ANXA11: variants seen among roughly 807,000 people sequenced by gnomAD.
ANXA11 encodes the protein annexin A11.
A neutral mutation model predicts 64.7 loss-of-function variants in ANXA11; 57 were observed. That is an observed-to-expected ratio of 0.88 (90% CI 0.71 to 1.10). The LOEUF (loss-of-function observed/expected upper bound fraction) is 1.10. ANXA11 is among the 50% of genes least tolerant of loss of function. The pLI is 0.00. For missense variants in ANXA11, 675 were observed against 670.7 expected (o/e 1.01, Z -0.07); for synonymous variants, 260 against 265.2 (o/e 0.98, Z 0.19).
At chr10:80,161,322 C>T (rs35497678) in intron 12 of ANXA11, among the ~76,000 whole-genome samples, 19,519 of 152,250 alleles carry the variant, frequency 0.13, 1,388 homozygotes, top group South Asian at 0.24. Context: ...TCAAATGTCA[C>T]GACCTCAGTG....
chr10:80,201,697 C>T (rs974935644), intron 1 of ANXA11, among the ~76,000 whole-genome samples: 1 of 152,172 alleles, frequency 6.6e-6, no homozygotes, highest in Non-Finnish European at 1.5e-5. Context: ...TTGTCACCTA[C>T]TTCCTAAAAA....
chr10:80,179,680 T>C (rs1165881199), intron 1 of ANXA11, among the ~76,000 whole-genome samples: 2 of 152,216 alleles, frequency 1.3e-5, no homozygotes, highest in African/African-American at 4.8e-5. Flanking sequence ...TCAGAACCCC[T>C]AAGCCATTCC....
At chr10:80,180,916 A>G (rs186121963) in intron 1 of ANXA11, 1 of 152,330 alleles carries the variant, frequency 6.6e-6, no homozygotes, top group East Asian at 1.9e-4. Context: ...TGTTTGTTAC[A>G]AAAGTATAAC....
At chr10:80,185,592 T>C (rs1846509739) in intron 1 of ANXA11, among the ~76,000 whole-genome samples, 1 of 152,272 alleles carries the variant, frequency 6.6e-6, no homozygotes, top group Non-Finnish European at 1.5e-5. Flanking sequence ...AATTAGGCCA[T>C]AATAGTAGTT....
chr10:80,201,787 C>T (rs1474050817), intron 1 of ANXA11, among the ~76,000 whole-genome samples: 1 of 152,150 alleles, frequency 6.6e-6, no homozygotes, highest in South Asian at 2.1e-4. Flanking sequence ...CGCACCCTTT[C>T]CCCCAGTGGT....
chr10:80,168,640 C>A (rs1366788865), intron 5 of ANXA11, among the ~76,000 whole-genome samples: 1 of 151,948 alleles, frequency 6.6e-6, no homozygotes, highest in African/African-American at 2.4e-5. Flanking sequence ...CTGAGGTGAT[C>A]CTCCCACCTC....
chr10:80,194,986 A>G (rs1846925600), intron 1 of ANXA11, among the ~76,000 whole-genome samples: 1 of 152,134 alleles, frequency 6.6e-6, no homozygotes, highest in African/African-American at 2.4e-5. Flanking sequence ...GTGTGTTATG[A>G]GCCATCTCAT....
chr10:80,159,026 G>A (rs1845397775), intron 13 of ANXA11, 74 bp downstream of exon 13: 1 of 1,122,454 alleles, frequency 8.9e-7, no homozygotes, highest in South Asian at 1.3e-5. Context: ...TCAGCTGGAG[G>A]ACAGGCGAGC....
In ANXA11 at chr10:80,161,958, C is replaced by T. The variant is rs376869591; in HGVS notation, c.1157G>A (p.Arg386Gln). The change falls in exon 12 of 16, where the codon CGG becomes CAG. Residue 386 changes from arginine (R) to glutamine (Q), a missense_variant. Transcript: ENST00000422982. ...ESKFNAVLCS[R>Q]SRAHLVAVFN... ...ACCTGCTACCAGGTGGGCCCGGCTC[C>T]GGGAGCACAGAACCGCATTGAACTT... The T allele has an allele frequency of 1.2e-5, 20 of 1,612,090 alleles. 1 individual carries two copies. Among genetic ancestry groups the T allele is most frequent in the Middle Eastern group, 1.7e-4 (1 of 6,048 alleles).
chr10:80,187,659 CTCTG>C (rs71482766), intron 1 of ANXA11, among the ~76,000 whole-genome samples: 17,211 of 152,182 alleles, frequency 0.11, 1,190 homozygotes, highest in South Asian at 0.24. Context: ...AGACACAGGT[CTCTG>C]TCTTTGTTTA....
In ANXA11 at chr10:80,199,173, C is replaced by T. The variant is rs549278034; in HGVS notation, c.-58+6170G>A. On this transcript the variant is annotated intron_variant, in intron 1 of 15. Coordinates refer to ENST00000422982, the MANE Select transcript of ANXA11 (RefSeq NM_145868.2). ...GTGCAGTGGCACGATCTCGGCTCCA[C>T]TGCAAGCTCCGCCTCCCGGGTTCAT... 5.3e-5 allele frequency among the ~76,000 whole-genome samples: 8 copies of T among 151,264 alleles called. No individual in the cohort carries two copies. The South Asian group carries it at 1.5e-3, about 28-fold the overall frequency.
chr10:80,156,970 G>A (rs1018193274), intron 15 of ANXA11: 29 of 985,228 alleles, frequency 2.9e-5, no homozygotes, highest in African/African-American at 2.8e-4. Context: ...GAATTTGAGC[G>A]TTAGACCACA....
intron 5 of ANXA11, among the ~76,000 whole-genome samples, 162 bp downstream of exon 5, chr10:80,168,807 G>A (rs1413993262): frequency 6.6e-6 from 1 of 152,182 alleles, no homozygotes; most frequent in Non-Finnish European, 1.5e-5. Context: ...AAAGTGCTGG[G>A]ATTACAGGCA....
intron 3 of ANXA11, chr10:80,171,651 T>A: frequency 3.0e-6 from 3 of 985,558 alleles, no homozygotes; most frequent in Non-Finnish European, 3.6e-6. Context: ...GCATTCGACA[T>A]CATCATGGGG....
At chr10:80,185,861 T>G (rs925143371) in intron 1 of ANXA11, among the ~76,000 whole-genome samples, 8 of 152,226 alleles carry the variant, frequency 5.3e-5, no homozygotes, top group African/African-American at 1.9e-4. Flanking sequence ...GGGACTAGTA[T>G]TTTAAGAACA....
Position 80,169,285 on chromosome 10 carries a change from T to C in ANXA11, c.245A>G (p.Tyr82Cys), listed in dbSNP as rs1251476379. The part of the protein sequence containing the change: ...NLYPGAPGAG[Y>C]PPVPPGGFGQ... ...AAAGCCGCCAGGGGGCACTGGTGGG[T>C]AGCCAGCCCCAGGGGCCCCAGGGTA... Residue 82 changes from tyrosine to cysteine, a missense_variant, in exon 5 of 16, where the codon TAC (tyrosine) becomes TGC (cysteine). By Grantham distance (194) the Tyr-to-Cys change is radical. Coordinates refer to ENST00000422982, the MANE Select transcript of ANXA11 (RefSeq NM_145868.2). The C allele has an allele frequency of 6.2e-7, 1 of 1,611,574 alleles. No homozygotes were observed. Among genetic ancestry groups the C allele is most frequent in the Non-Finnish European group, 8.5e-7 (1 of 1,179,718 alleles).
intron 6 of ANXA11, 47 bp from the exon 7 acceptor site, chr10:80,167,031 G>T: frequency 6.9e-7 from 1 of 1,455,126 alleles, no homozygotes; most frequent in Non-Finnish European, 9.4e-7. Flanking sequence ...GTCATGAGAT[G>T]CTCTGCAGCT....
intron 1 of ANXA11, among the ~76,000 whole-genome samples, chr10:80,191,150 G>A (rs1370976276): frequency 3.9e-5 from 6 of 152,074 alleles, no homozygotes; most frequent in South Asian, 2.1e-4. Context: ...ACTTGAACCC[G>A]GGAGGTGGAG....
intron 2 of ANXA11, among the ~76,000 whole-genome samples, chr10:80,174,381 A>AT (rs1281544834): frequency 1.3e-5 from 2 of 151,504 alleles, no homozygotes. Flanking sequence ...GGTTCAAGTG[A>AT]TTCTCCTGCC....
Sources: gnomAD v4.1 joint callset for allele counts (sites outside exome capture counted in the v4.1 genomes callset) on GRCh38, gnomAD v4.1.1 for gene constraint, MANE v1.5 for transcripts, NCBI Gene and HGNC (gene_info 2026-07-23, HGNC 2026-07-21) for gene names.